The following SLC67A1 variants were observed in gnomAD, a reference collection of about 807,000 sequenced individuals.
The protein encoded by SLC67A1 is solute carrier family 67 member 1, also known as solute carrier family 67 member A1.
chr11:2,918,436 C>A, the SLC67A1 span, among the ~76,000 whole-genome samples: 1 of 152,260 alleles, frequency 6.6e-6, no homozygotes, highest in African/African-American at 2.4e-5. Flanking sequence ...TCACCACTGC[C>A]TTCTGCAGCA....
At chr11:2,911,952 C>T in the SLC67A1 span, among the ~76,000 whole-genome samples, 1 of 152,264 alleles carries the variant, frequency 6.6e-6, no homozygotes, top group African/African-American at 2.4e-5. Flanking sequence ...TGCCTCCATT[C>T]ATCCCAAGAT....
the SLC67A1 span, chr11:2,909,178 C>T: frequency 6.7e-7 from 1 of 1,493,240 alleles, no homozygotes. Flanking sequence ...AGGGTCCGAC[C>T]CGCCCCTCGG....
At chr11:2,925,057 CTG>C in the SLC67A1 span, 1 of 1,613,592 alleles carries the variant, frequency 6.2e-7, no homozygotes, top group Non-Finnish European at 8.5e-7. This position sits in a 1 kb window ranked among gnomAD's most constrained non-coding sequence, Gnocchi z 6.5. Flanking sequence ...GCTCCGAACT[CTG>C]GGACCCACGG....
At chr11:2,901,725 C>A in the SLC67A1 span, among the ~76,000 whole-genome samples, 7 of 152,294 alleles carry the variant, frequency 4.6e-5, no homozygotes, top group South Asian at 1.2e-3. Context: ...CTCTCAACTG[C>A]TCCTAGCAGC....
At chr11:2,917,520 C>T in the SLC67A1 span, among the ~76,000 whole-genome samples, 20 of 152,214 alleles carry the variant, frequency 1.3e-4, no homozygotes, top group South Asian at 3.1e-3. Flanking sequence ...CAGAGGTGCC[C>T]GGTGGGCCAG....
the SLC67A1 span, among the ~76,000 whole-genome samples, chr11:2,913,257 C>T: frequency 6.6e-6 from 1 of 152,262 alleles, no homozygotes; most frequent in South Asian, 2.1e-4. Context: ...CAGGACACTC[C>T]GGTTCTTTCT....
chr11:2,919,348 T>G, the SLC67A1 span: 4 of 1,613,974 alleles, frequency 2.5e-6, no homozygotes, highest in Non-Finnish European at 3.4e-6. Flanking sequence ...CATGGACTTC[T>G]TCCAGCTGGA....
At chr11:2,910,156 C>T in the SLC67A1 span, among the ~76,000 whole-genome samples, 1 of 152,164 alleles carries the variant, frequency 6.6e-6, no homozygotes, top group East Asian at 1.9e-4. Flanking sequence ...TTTGAGTCCC[C>T]GAACGTTCTC....
chr11:2,921,876 AG>A, the SLC67A1 span: 1 of 566,920 alleles, frequency 1.8e-6, no homozygotes, highest in South Asian at 2.3e-5. Context: ...CCTTGTGGAG[AG>A]GAGCCCCGAC....
the SLC67A1 span, chr11:2,908,270 T>C: frequency 2.5e-6 from 4 of 1,613,836 alleles, no homozygotes; most frequent in Admixed American, 6.7e-5. Context: ...TCCATTGCCT[T>C]CGGCTACCTG....
chr11:2,909,109 G>A, the SLC67A1 span: 2 of 1,314,110 alleles, frequency 1.5e-6, no homozygotes, highest in Admixed American at 3.0e-5. Flanking sequence ...CAGCCTCCCT[G>A]GTCAGCCCCG....
At chr11:2,918,093 C>G in the SLC67A1 span, 5 of 1,611,702 alleles carry the variant, frequency 3.1e-6, no homozygotes, top group South Asian at 1.1e-5. Flanking sequence ...AACTGCCCCA[C>G]AGGTGAGTCC....
At chr11:2,916,536 C>A in the SLC67A1 span, 4 of 979,476 alleles carry the variant, frequency 4.1e-6, no homozygotes, top group African/African-American at 4.8e-5. Context: ...TATTTTAGTG[C>A]AACCAAAGGT....
chr11:2,900,274 C>T, the SLC67A1 span, among the ~76,000 whole-genome samples: 1 of 152,208 alleles, frequency 6.6e-6, no homozygotes, highest in African/African-American at 2.4e-5. Context: ...TCGAGCGGTA[C>T]ACTGCACCCG....
the SLC67A1 span, chr11:2,919,124 G>A: frequency 2.8e-6 from 1 of 356,924 alleles, no homozygotes; most frequent in South Asian, 3.7e-5. Flanking sequence ...TTCCACACCA[G>A]GGATACGGCA....
At chr11:2,917,039 G>A in the SLC67A1 span, 1 of 406,170 alleles carries the variant, frequency 2.5e-6, no homozygotes, top group Admixed American at 4.3e-5. Context: ...AGGAGGGGAG[G>A]CCCAGAGAGG....
chr11:2,924,090 C>T, the SLC67A1 span, among the ~76,000 whole-genome samples: 8 of 152,204 alleles, frequency 5.3e-5, 1 homozygote, highest in Admixed American at 2.0e-4. The surrounding 1 kb of genome is among the most constrained non-coding windows in gnomAD (Gnocchi z 8.6). Context: ...CTGGGGGGTC[C>T]TCCCGCTTGG....
chr11:2,914,249 TAA>T, the SLC67A1 span, among the ~76,000 whole-genome samples: 7 of 152,114 alleles, frequency 4.6e-5, no homozygotes, highest in African/African-American at 1.7e-4. Context: ...GCTCCACTGA[TAA>T]AAGTGTTGGA....
At chr11:2,907,468 T>A in the SLC67A1 span, among the ~76,000 whole-genome samples, 1 of 152,154 alleles carries the variant, frequency 6.6e-6, no homozygotes. The surrounding 1 kb of genome is among the most constrained non-coding windows in gnomAD (Gnocchi z 6.7). Flanking sequence ...CATCCGAGTG[T>A]GTCTGTGTCC....
Sources: allele counts gnomAD v4.1 joint callset (sites outside exome capture counted in the v4.1 genomes callset), GRCh38; gene constraint gnomAD v4.1.1; non-coding constraint Gnocchi (gnomAD v3.1); transcripts MANE v1.5; gene names NCBI Gene and HGNC (gene_info 2026-07-23, HGNC 2026-07-21).